The following NSUN2 variants were observed in gnomAD, a reference collection of about 807,000 sequenced individuals.
The protein encoded by NSUN2 is RNA cytosine C(5)-methyltransferase NSUN2.
NSUN2 carries 63 observed loss-of-function variants against 92.7 expected under a neutral mutation model. The observed-to-expected ratio is 0.68, with a 90% CI of 0.56 to 0.84. The LOEUF (loss-of-function observed/expected upper bound fraction) is 0.84. NSUN2 is among the 40% of genes least tolerant of loss of function. The pLI is 0.00. For missense variants in NSUN2, 989 were observed against 964.9 expected (o/e 1.02, Z -0.33); for synonymous variants, 356 against 348.3 (o/e 1.02, Z -0.25).
rs1157752738 is a variant in NSUN2 at position 6,611,803 on chromosome 5, G to A, written c.1022-5C>T. 6.2e-7 allele frequency: 1 copy of A among 1,613,856 alleles called. No individual in the cohort carries two copies. On this transcript the variant is annotated splice_polypyrimidine_tract_variant and splice_region_variant and intron_variant, in intron 9 of 18. Transcript: ENST00000264670. ...CATCAGCAAGCTCCAAAGCACCTGT[G>A]CAGCAAAAGCATGGACGTCTTTTGT...
At chr5:6,612,730 T>A (rs1737050996) in intron 9 of NSUN2, among the ~76,000 whole-genome samples, 1 of 152,366 alleles carries the variant, frequency 6.6e-6, no homozygotes, top group East Asian at 1.9e-4. Flanking sequence ...CTCTTCCTTT[T>A]AAAAGCTAAC....
chr5:6,603,832 C>T (rs894979169), intron 17 of NSUN2: 19 of 270,002 alleles, frequency 7.0e-5, no homozygotes, highest in Non-Finnish European at 8.3e-5. Flanking sequence ...CTCCTCTCCC[C>T]GGACTCTCTG....
At chr5:6,604,325 G>A (rs1187597308) in intron 16 of NSUN2, 49 bp from the exon 17 acceptor site, 5 of 1,504,844 alleles carry the variant, frequency 3.3e-6, no homozygotes, top group Non-Finnish European at 3.6e-6. Flanking sequence ...TGTCATTCAT[G>A]AACGACAACA....
intron 12 of NSUN2, among the ~76,000 whole-genome samples, chr5:6,608,725 C>A (rs948271369): frequency 6.6e-6 from 1 of 152,218 alleles, no homozygotes; most frequent in Admixed American, 6.5e-5. Context: ...AAGACAGGCT[C>A]CTCTGTGACT....
intron 18 of NSUN2, 120 bp downstream of exon 18, chr5:6,602,341 A>T (rs1054470782): frequency 6.3e-6 from 6 of 952,542 alleles, no homozygotes; most frequent in Middle Eastern, 2.7e-4. Flanking sequence ...ACTTCTGAGG[A>T]ACAATCACAA....
intron 3 of NSUN2, among the ~76,000 whole-genome samples, chr5:6,629,588 G>A (rs756183252): frequency 1.3e-5 from 2 of 152,190 alleles, no homozygotes; most frequent in Non-Finnish European, 2.9e-5. Flanking sequence ...GTGTGAAGCA[G>A]CACATACATG....
At chr5:6,611,931 C>T (rs1050979528) in intron 9 of NSUN2, 133 bp from the exon 10 acceptor site, 8 of 765,008 alleles carry the variant, frequency 1.0e-5, no homozygotes, top group Middle Eastern at 2.4e-4. Flanking sequence ...AAGGCAAACC[C>T]GTCGACAGAA....
chr5:6,601,606 C>T (rs2126465690), intron 18 of NSUN2, among the ~76,000 whole-genome samples: 1 of 149,472 alleles, frequency 6.7e-6, no homozygotes, highest in East Asian at 2.0e-4. Context: ...ACCTATCCCT[C>T]CTCCTTCCCT....
chr5:6,605,590 G>GT (rs1736734375), intron 14 of NSUN2, among the ~76,000 whole-genome samples, 182 bp from the exon 15 acceptor site: 1 of 151,936 alleles, frequency 6.6e-6, no homozygotes, highest in Admixed American at 6.5e-5. Context: ...AAACCTCCAC[G>GT]TAACATTTAT....
chr5:6,622,646 G>A (rs1334940663), intron 5 of NSUN2, among the ~76,000 whole-genome samples: 2 of 152,048 alleles, frequency 1.3e-5, no homozygotes, highest in African/African-American at 2.4e-5. Flanking sequence ...TCGGGAGTTC[G>A]AGACCAGCCT....
chr5:6,606,616 T>C (rs957578987), intron 14 of NSUN2, among the ~76,000 whole-genome samples: 7 of 151,436 alleles, frequency 4.6e-5, no homozygotes, highest in African/African-American at 1.2e-4. Context: ...GTTCACAAAG[T>C]AAAAGTTTAC....
intron 17 of NSUN2, 86 bp downstream of exon 17, chr5:6,604,052 A>G: frequency 1.7e-6 from 2 of 1,179,846 alleles, no homozygotes; most frequent in African/African-American, 1.5e-5. Flanking sequence ...TGATTGATAA[A>G]TATGCCCCAA....
chr5:6,605,178 A>AGAT, intron 15 of NSUN2, 95 bp downstream of exon 15: 2 of 1,514,640 alleles, frequency 1.3e-6, no homozygotes, highest in Non-Finnish European at 1.8e-6. Flanking sequence ...TGGGGAGGGC[A>AGAT]GATGTCACGG....
intron 3 of NSUN2, among the ~76,000 whole-genome samples, chr5:6,628,119 G>A (rs989712277): frequency 2.0e-5 from 3 of 152,144 alleles, no homozygotes; most frequent in African/African-American, 7.2e-5. Flanking sequence ...AGACCAAGGT[G>A]GGCGGATCAC....
intron 3 of NSUN2, among the ~76,000 whole-genome samples, chr5:6,628,261 T>G (rs940490736): frequency 5.3e-4 from 81 of 152,044 alleles, no homozygotes; most frequent in African/African-American, 1.8e-3. Context: ...GGTGGGAGGA[T>G]CACCTGAGCC....
intron 16 of NSUN2, 100 bp from the exon 17 acceptor site, chr5:6,604,376 C>T (rs1736675100): frequency 1.3e-5 from 15 of 1,164,730 alleles, no homozygotes; most frequent in Non-Finnish European, 1.6e-5. Flanking sequence ...CTATGGTGGT[C>T]GAGCCCTCAC....
chr5:6,625,606 G>A lies in NSUN2; in HGVS notation c.423C>T (p.His141=), dbSNP rs1420399753. The change falls in exon 4 of 19, where the codon CAC becomes CAT. Residue 141 remains histidine (H), a synonymous_variant. Transcript: ENST00000264670. ...CTAGAAACTGATGAAACTTTTCCAAGTGTGGCGATTTTCTCAAGATTTTTC... is the reference window on the plus strand; with the variant it reads ...CTAGAAACTGATGAAACTTTTCCAAATGTGGCGATTTTCTCAAGATTTTTC... ...LSRKILRKSP[H]LEKFHQFLVS... 3 of 1,614,064 alleles carry A rather than the reference G, an allele frequency of 1.9e-6. No homozygotes were observed. The African/African-American group carries it at 4.0e-5, about 22-fold the overall frequency.
At chr5:6,627,469 G>A (rs941389076) in intron 3 of NSUN2, among the ~76,000 whole-genome samples, 1 of 152,148 alleles carries the variant, frequency 6.6e-6, no homozygotes. Context: ...GTAAAGAGCT[G>A]AATTTTCATT....
At position 6,632,650 on chromosome 5, in the gene NSUN2, T is replaced by A. The variant is rs1278268108; in HGVS notation, c.203A>T (p.Asp68Val). 2 of 1,614,050 alleles carry A rather than the reference T, an allele frequency of 1.2e-6. No individual in the cohort carries two copies. The highest frequency in any genetic ancestry group is 1.7e-6 in the Non-Finnish European group (2 of 1,180,036). The change falls in exon 2 of 19, where the codon GAC (aspartate) becomes GTC (valine). Residue 68 changes from aspartate (D) to valine (V), a missense_variant. Physicochemically the swap from Asp to Val is radical, Grantham distance 152. Transcript: ENST00000264670. The part of the protein sequence containing the change: ...VPEGEWGQFM[D>V]ALREPLPATL... ...GGCCGGGAGCGGCTCCCTGAGAGCG[T>A]CCATGAACTGGCCCCACTCGCCCTC...
Sources: gnomAD v4.1 joint callset for allele counts (sites outside exome capture counted in the v4.1 genomes callset) on GRCh38, gnomAD v4.1.1 for gene constraint, MANE v1.5 for transcripts, NCBI Gene and HGNC (gene_info 2026-07-23, HGNC 2026-07-21) for gene names.